KDR: variants seen among roughly 807,000 people sequenced by gnomAD.
The protein encoded by KDR is vascular endothelial growth factor receptor 2.
KDR carries 43 observed loss-of-function variants against 160.9 expected under a neutral mutation model. That is an observed-to-expected ratio of 0.27 (90% CI 0.21 to 0.34). KDR has a LOEUF of 0.34. KDR is among the 10% of genes least tolerant of loss of function. The probability of loss-of-function intolerance (pLI) is 1.00; values close to 1 mark genes in which losing one functional copy is unlikely to be tolerated. For synonymous variants in KDR, 617 were observed against 600.1 expected, an observed-to-expected ratio of 1.03 and a Z score of -0.41; for missense variants, 1,469 against 1,666.4, an observed-to-expected ratio of 0.88 and a Z score of 2.06.
chr4:55,125,535 G>A lies in KDR; in HGVS notation c.-242C>T. 1 of 601,876 alleles carries A rather than the reference G, an allele frequency of 1.7e-6. No homozygotes were observed. 37.3% of individuals were successfully genotyped at this position (601,876 alleles called of 1,614,324 possible). A position where few individuals can be genotyped will look rare whatever the true frequency, so the allele number is the denominator to read the frequency against. On this transcript the variant is annotated 5_prime_UTR_variant, in exon 1 of 30. Coordinates refer to ENST00000263923, the MANE Select transcript of KDR (RefSeq NM_002253.4). ...CTGCGGCGCGCAAGTGATGCCCGGC[G>A]CAGGCAGAGGAAACGCAGCGACCAC...
In KDR at chr4:55,101,815, A is replaced by G. The variant is rs1022004152; in HGVS notation, c.2266+82T>C. The G allele has an allele frequency of 3.9e-5, 49 of 1,242,706 alleles. No homozygotes were observed. In the South Asian group the frequency reaches 5.7e-4, roughly 14 times the overall value. 77.0% of individuals were successfully genotyped at this position (1,242,706 alleles called of 1,614,324 possible). ...CTTCCAGCTCCATCCATGCAGCTGC[A>G]AAGGACATGATCAGATTCCTTTTTA... On this transcript the variant is annotated intron_variant, in intron 15 of 29. Transcript: ENST00000263923.
intron 14 of KDR, 82 bp from the exon 15 acceptor site, chr4:55,102,110 T>C (rs1720326942): frequency 1.0e-5 from 16 of 1,572,724 alleles, no homozygotes; most frequent in East Asian, 6.7e-5. Flanking sequence ...AAAATATAAA[T>C]GCTGCCCTTC....
rs771212717 is a variant in KDR, at chr4:55,086,501, T to C, written c.3662+1106A>G. ...TGCCCTCAGGTAATAGAACTGAGCCTCATGTTCAATAATACATCAAAAAAA... is the reference window on the plus strand; with the variant it reads ...TGCCCTCAGGTAATAGAACTGAGCCCCATGTTCAATAATACATCAAAAAAA... On this transcript the variant is annotated intron_variant, in intron 27 of 29. Transcript: ENST00000263923. 2.6e-5 allele frequency among the ~76,000 whole-genome samples: 4 copies of C among 152,134 alleles called. No homozygotes were observed. In the South Asian group the frequency reaches 6.2e-4, roughly 24 times the overall value.
chr4:55,110,669 G>C lies in KDR; in HGVS notation c.1076C>G (p.Pro359Arg), dbSNP rs774314168. 1 of 1,613,694 alleles carries C rather than the reference G, an allele frequency of 6.2e-7. No individual in the cohort carries two copies. Among genetic ancestry groups the C allele is most frequent in the South Asian group, 1.1e-5 (1 of 91,058 alleles). ...CAGTAGTTACCATTTTATTTCTGGGGGTGGGTAACCAAGGTACTTCGCAGG... is the reference window on the plus strand; with the variant it reads ...CAGTAGTTACCATTTTATTTCTGGGCGTGGGTAACCAAGGTACTTCGCAGG... ...RIPAKYLGYP[P>R]PEIKWYKNGI... Residue 359 changes from proline to arginine, a missense_variant, in exon 8 of 30, where the codon CCC becomes CGC. Physicochemically the swap from Pro to Arg is moderately radical, Grantham distance 103. Around this residue, in one of 7 missense-constraint regions of KDR, gnomAD observed 792 missense variants for 840.9 expected, o/e 0.94. Transcript: ENST00000263923.
chr4:55,091,885 A>T (rs1371208706), intron 22 of KDR, among the ~76,000 whole-genome samples: 2 of 152,192 alleles, frequency 1.3e-5, no homozygotes, highest in Non-Finnish European at 2.9e-5. Context: ...CCTTTGGAAT[A>T]GTTGTAACTT....
rs535544212 is a variant in KDR at position 55,124,082 on chromosome 4, T to C, written c.67+1145A>G. On this transcript the variant is annotated intron_variant, in intron 1 of 29. Coordinates refer to ENST00000263923, the MANE Select transcript of KDR (RefSeq NM_002253.4). ...GAGTGTCCATGGTGGACTGGACCCG[T>C]TGAACCAAGTCATTATAAAGAAAAT... Among the ~76,000 whole-genome samples the C allele has an allele frequency of 3.3e-5, 5 of 152,352 alleles. No homozygotes were observed. The South Asian group carries it at 8.3e-4, about 25-fold the overall frequency.
intron 27 of KDR, among the ~76,000 whole-genome samples, chr4:55,084,334 G>A (rs1030522799): frequency 4.6e-5 from 7 of 152,158 alleles, no homozygotes; most frequent in Non-Finnish European, 1.0e-4. Context: ...GAGAAAGAAA[G>A]GCAGCTTGGC....
In KDR at chr4:55,080,044, T is replaced by C; in HGVS notation, c.3968A>G (p.Glu1323Gly). Reference sequence around the variant, plus strand: ...CTCTATCAGCTTTAAAAGTTCTGCTTCCTCACTGGAGTACACGGTGGTGTC... The same window carrying C: ...CTCTATCAGCTTTAAAAGTTCTGCTCCCTCACTGGAGTACACGGTGGTGTC... The part of the protein sequence containing the change: ...DTDTTVYSSE[E>G]AELLKLIEIG... The change falls in exon 30 of 30, where the codon GAA becomes GGA. Residue 1323 changes from glutamate (E) to glycine (G), a missense_variant. Coordinates refer to ENST00000263923, the MANE Select transcript of KDR (RefSeq NM_002253.4). 1 of 1,614,164 alleles carries C rather than the reference T, an allele frequency of 6.2e-7. No individual in the cohort carries two copies. Among genetic ancestry groups the C allele is most frequent in the South Asian group, 1.1e-5 (1 of 91,074 alleles).
chr4:55,116,326 G>A (rs1720735447), intron 3 of KDR, among the ~76,000 whole-genome samples: 1 of 150,842 alleles, frequency 6.6e-6, no homozygotes, highest in Non-Finnish European at 1.5e-5. Flanking sequence ...GCTGAGGCAG[G>A]AGAATCATTT....
intron 1 of KDR, 87 bp downstream of exon 1, chr4:55,125,140 C>T: frequency 8.0e-7 from 1 of 1,242,262 alleles, no homozygotes; most frequent in Non-Finnish European, 1.2e-6. Flanking sequence ...CTCTCCAGCT[C>T]TACGATTCCG....
intron 7 of KDR, 48 bp from the exon 8 acceptor site, chr4:55,110,816 A>G (rs927704772): frequency 1.4e-6 from 2 of 1,450,420 alleles, no homozygotes; most frequent in East Asian, 2.3e-5. Flanking sequence ...GTAAATGGTC[A>G]TTTGATTTAG....
At chr4:55,113,211 GAATGAACAA>G in intron 7 of KDR, 84 bp downstream of exon 7, 1 of 1,350,790 alleles carries the variant, frequency 7.4e-7, no homozygotes, top group South Asian at 1.2e-5. Context: ...ACTATCTTCT[GAATGAACAA>G]AATAGGAATC....
intron 29 of KDR, among the ~76,000 whole-genome samples, chr4:55,081,528 C>A (rs1427345525): frequency 6.6e-6 from 1 of 152,150 alleles, no homozygotes; most frequent in East Asian, 1.9e-4. Flanking sequence ...TTAAATGTCT[C>A]AAACAAATAG....
chr4:55,097,840 C>A, intron 17 of KDR, 74 bp from the exon 18 acceptor site: 1 of 1,043,446 alleles, frequency 9.6e-7, no homozygotes. Context: ...GCAGAGACAT[C>A]AACTAGATAG....
chr4:55,087,300 T>A (rs572927766), intron 27 of KDR, among the ~76,000 whole-genome samples: 2 of 152,366 alleles, frequency 1.3e-5, no homozygotes, highest in Non-Finnish European at 2.9e-5. Context: ...TAAATGCAGA[T>A]GTCTTTGTAA....
intron 21 of KDR, among the ~76,000 whole-genome samples, chr4:55,094,492 T>C (rs148686063): frequency 8.9e-4 from 136 of 152,248 alleles, no homozygotes; most frequent in African/African-American, 2.7e-3. Flanking sequence ...ACCAGAAAAC[T>C]TGTGGCCTCT....
Position 55,081,941 on chromosome 4 carries a change from A to G in KDR, c.3848+15T>C, listed in dbSNP as rs2412617. The G allele has an allele frequency of 1, 1,577,506 of 1,579,230 alleles. 787,894 individuals carry two copies. The highest frequency in any genetic ancestry group is 1 in the East Asian group (44,722 of 44,722). ...TCCTATTGAAATTTGTCTTTTTAAT[A>G]TGGCTGAGTCTTACCCAAAAGATGG... is the stretch of plus-strand genomic sequence containing the variant. On this transcript the variant is annotated intron_variant, in intron 29 of 29. Transcript: ENST00000263923.
intron 15 of KDR, among the ~76,000 whole-genome samples, chr4:55,099,748 A>C (rs1361533068): frequency 6.6e-6 from 1 of 152,320 alleles, no homozygotes; most frequent in East Asian, 1.9e-4. Flanking sequence ...AGAGAGCTTA[A>C]GCTACTTGAC....
At position 55,096,280 on chromosome 4, in the gene KDR, C is replaced by A; in HGVS notation, c.2677G>T (p.Gly893Cys). Residue 893 changes from glycine (G) to cysteine (C), a missense_variant, in exon 19 of 30, where the codon GGT becomes TGT. Around this residue, in one of 7 missense-constraint regions of KDR, gnomAD observed 151 missense variants for 207.2 expected, o/e 0.73. Coordinates refer to ENST00000263923, the MANE Select transcript of KDR (RefSeq NM_002253.4). Reference protein sequence around the residue: ...MSELKILIHIGHHLNVVNLLG... With the variant: ...MSELKILIHICHHLNVVNLLG... ...AGGTTGACCACATTGAGATGGTGAC[C>A]AATATGAATGAGGATCTTGAGTTCA... The A allele has an allele frequency of 6.2e-7, 1 of 1,613,656 alleles. No individual in the cohort carries two copies. The highest frequency in any genetic ancestry group is 1.1e-5 in the South Asian group (1 of 91,068).
Sources: allele counts gnomAD v4.1 joint callset (sites outside exome capture counted in the v4.1 genomes callset), GRCh38; gene constraint gnomAD v4.1.1; regional missense constraint gnomAD v4.1.1; transcripts MANE v1.5; gene names NCBI Gene and HGNC (gene_info 2026-07-23, HGNC 2026-07-21).